Variants in PRRC2B observed in about 807,000 individuals in gnomAD.
PRRC2B encodes protein PRRC2B.
Under a neutral mutation model 242.3 loss-of-function variants are expected in PRRC2B, and 68 were observed. The observed-to-expected ratio is 0.28, with a 90% confidence interval of 0.23 to 0.34. PRRC2B has a LOEUF of 0.34. PRRC2B is among the 10% of genes least tolerant of loss of function. PRRC2B has a pLI of 1.00. For synonymous variants in PRRC2B, 1,228 were observed against 1,173.6 expected (o/e 1.05, Z -0.95); for missense variants, 2,835 against 2,954.8 (o/e 0.96, Z 0.94).
chr9:131,388,792 T>C (rs903861375), intron 1 of PRRC2B, among the ~76,000 whole-genome samples: 1 of 149,518 alleles, frequency 6.7e-6, no homozygotes, highest in Non-Finnish European at 1.5e-5. Flanking sequence ...TCCGCCCTCC[T>C]TGGACTTCCA....
intron 11 of PRRC2B, among the ~76,000 whole-genome samples, chr9:131,463,107 A>G (rs183718549): frequency 1.1e-4 from 17 of 152,278 alleles, no homozygotes; most frequent in Admixed American, 2.6e-4. Flanking sequence ...ACTGATCAAT[A>G]CACAGCCGTT....
chr9:131,374,790 G>C (rs1836662277), intron 1 of PRRC2B, among the ~76,000 whole-genome samples: 1 of 152,072 alleles, frequency 6.6e-6, no homozygotes, highest in Non-Finnish European at 1.5e-5. Flanking sequence ...GCCTTCCAAA[G>C]TGCTGGAATT....
intron 1 of PRRC2B, among the ~76,000 whole-genome samples, chr9:131,404,253 T>A (rs1237109860): frequency 6.6e-6 from 1 of 151,576 alleles, no homozygotes; most frequent in African/African-American, 2.4e-5. Flanking sequence ...GGGACAGAGT[T>A]TTGCTTGTTG....
chr9:131,467,845 T>G (rs1173926349), intron 13 of PRRC2B, 92 bp downstream of exon 13: 2 of 1,332,972 alleles, frequency 1.5e-6, no homozygotes, highest in African/African-American at 2.9e-5. Context: ...CACCTCCAAC[T>G]TAGAAAAAGG....
At chr9:131,412,489 T>TGCAC (rs1159328605) in intron 1 of PRRC2B, among the ~76,000 whole-genome samples, 3 of 152,188 alleles carry the variant, frequency 2.0e-5, no homozygotes, top group Non-Finnish European at 2.9e-5. Flanking sequence ...CGTGCGTGCA[T>TGCAC]GCACACGCTG....
At position 131,447,130 on chromosome 9, in the gene PRRC2B, G is replaced by A; in HGVS notation, c.901G>A (p.Gly301Ser). The A allele has an allele frequency of 6.2e-7, 1 of 1,614,044 alleles. No homozygotes were observed. Among genetic ancestry groups the A allele is most frequent in the Non-Finnish European group, 8.5e-7 (1 of 1,179,904 alleles). Reference sequence around the variant, plus strand: ...AGAAAACCAGGGTACAGTGGAACGAGGCTCTTTTCCCCTTCCTCAGCTCCG... The same window carrying A: ...AGAAAACCAGGGTACAGTGGAACGAAGCTCTTTTCCCCTTCCTCAGCTCCG... ...SSENQGTVER[G>S]SFPLPQLRLE... The change falls in exon 8 of 32, where the codon GGC (glycine) becomes AGC (serine). Residue 301 changes from glycine to serine, a missense_variant. Physicochemically the swap from Gly to Ser is moderately conservative, Grantham distance 56. This residue lies in a region of PRRC2B where 626 missense variants were observed against 685.5 expected (regional missense o/e 0.91). Coordinates refer to ENST00000683519, the MANE Select transcript of PRRC2B (RefSeq NM_013318.4).
chr9:131,379,653 T>G (rs1388964560), intron 1 of PRRC2B, among the ~76,000 whole-genome samples: 1 of 140,162 alleles, frequency 7.1e-6, no homozygotes, highest in Non-Finnish European at 1.5e-5. Flanking sequence ...GGAGATGGAG[T>G]CTCACTCTGT....
At chr9:131,439,258 G>C (rs1838477152) in intron 5 of PRRC2B, among the ~76,000 whole-genome samples, 197 bp downstream of exon 5, 1 of 152,170 alleles carries the variant, frequency 6.6e-6, no homozygotes, top group South Asian at 2.1e-4. Flanking sequence ...GGTTTCTTTG[G>C]ATGTGTGCTC....
chr9:131,492,852 C>T (rs942961850), intron 30 of PRRC2B, among the ~76,000 whole-genome samples: 2 of 152,244 alleles, frequency 1.3e-5, no homozygotes, highest in African/African-American at 4.8e-5. Context: ...TGGTCCACTG[C>T]CTTTTCTGCC....
chr9:131,381,158 T>TG (rs1470839582), intron 1 of PRRC2B, among the ~76,000 whole-genome samples: 2 of 152,124 alleles, frequency 1.3e-5, no homozygotes, highest in Non-Finnish European at 2.9e-5. Context: ...CTTCACTAGT[T>TG]GTTGTGTCTT....
intron 2 of PRRC2B, 97 bp downstream of exon 2, chr9:131,430,356 G>T (rs546836248): frequency 1.5e-6 from 1 of 678,974 alleles, no homozygotes; most frequent in African/African-American, 1.8e-5. Flanking sequence ...GATGTGGTCC[G>T]TGCACACCAG....
chr9:131,413,626 A>G (rs1837563075), intron 1 of PRRC2B, among the ~76,000 whole-genome samples: 1 of 152,184 alleles, frequency 6.6e-6, no homozygotes, highest in African/African-American at 2.4e-5. Flanking sequence ...TTGGCCTCCC[A>G]AAGTGCTGGG....
At position 131,470,813 on chromosome 9, in the gene PRRC2B, G is replaced by GGCAGCCGGTGCAGT. The variant is rs1217828787; in HGVS notation, c.1947_1948insCAGTGCAGCCGGTG (p.Tyr650GlnfsTer31). The stretch of plus-strand genomic sequence containing the variant: ...GAGCAGCTGTACAAGATGCAGCACT[G>GGCAGCCGGTGCAGT]GCAGCCGGTGTACCCCCCGCCGTCC... On this transcript the variant is annotated frameshift_variant, in exon 14 of 32. Coordinates refer to ENST00000683519, the MANE Select transcript of PRRC2B (RefSeq NM_013318.4). LOFTEE classifies it high-confidence loss of function. 1 of 1,612,678 alleles carries GGCAGCCGGTGCAGT rather than the reference G, an allele frequency of 6.2e-7. No individual in the cohort carries two copies. The highest frequency in any genetic ancestry group is 8.5e-7 in the Non-Finnish European group (1 of 1,179,266).
Position 131,432,602 on chromosome 9 carries a change from T to C in PRRC2B, c.116-15T>C, listed in dbSNP as rs1838215054. 1 of 1,612,248 alleles carries C rather than the reference T, an allele frequency of 6.2e-7. No individual in the cohort carries two copies. Among genetic ancestry groups the C allele is most frequent in the Non-Finnish European group, 8.5e-7 (1 of 1,178,926 alleles). ...CTTTTTGCATGGTGTCTGTTCCATG[T>C]CCCTCTCCCTGCAGTTATTCCTAGA... On this transcript the variant is annotated splice_polypyrimidine_tract_variant and intron_variant, in intron 2 of 31. Coordinates refer to ENST00000683519, the MANE Select transcript of PRRC2B (RefSeq NM_013318.4).
At chr9:131,382,867 A>G (rs980927962) in intron 1 of PRRC2B, among the ~76,000 whole-genome samples, 2 of 150,706 alleles carry the variant, frequency 1.3e-5, no homozygotes, top group Non-Finnish European at 3.0e-5. Flanking sequence ...CTGTTCTCGA[A>G]CTCCTGACCT....
chr9:131,468,460 T>G (rs1943454470), intron 13 of PRRC2B, among the ~76,000 whole-genome samples: 1 of 152,210 alleles, frequency 6.6e-6, no homozygotes, highest in African/African-American at 2.4e-5. Context: ...TTATTTTTAT[T>G]TTTTTATAAA....
Position 131,468,011 on chromosome 9 carries a change from T to G in PRRC2B, c.1911+258T>G, listed in dbSNP as rs962805789. Among the ~76,000 whole-genome samples, 7 of 152,336 alleles carry G rather than the reference T, an allele frequency of 4.6e-5. No homozygotes were observed. In the South Asian group the frequency reaches 1.5e-3, roughly 32 times the overall value. On this transcript the variant is annotated intron_variant, in intron 13 of 31. Coordinates refer to ENST00000683519, the MANE Select transcript of PRRC2B (RefSeq NM_013318.4). ...ATACAGTCTTTGTGGTTTATTGAGC[T>G]TGTTTTCTAATATTGTTAAGGAACC...
chr9:131,395,539 C>T (rs1354163748), intron 1 of PRRC2B, among the ~76,000 whole-genome samples: 2 of 152,314 alleles, frequency 1.3e-5, no homozygotes, highest in Non-Finnish European at 2.9e-5. Flanking sequence ...GGCGTGCACC[C>T]TCCACCTGGC....
chr9:131,455,230 G>C (rs1216695192), intron 10 of PRRC2B, 64 bp downstream of exon 10: 1 of 1,179,374 alleles, frequency 8.5e-7, no homozygotes, highest in Non-Finnish European at 1.2e-6. Flanking sequence ...TGTGTACCCA[G>C]AGCATTTCCC....
Sources: gnomAD v4.1 joint callset for allele counts (sites outside exome capture counted in the v4.1 genomes callset) on GRCh38, gnomAD v4.1.1 for gene constraint, gnomAD v4.1.1 regional missense constraint, MANE v1.5 for transcripts, NCBI Gene and HGNC (gene_info 2026-07-23, HGNC 2026-07-21) for gene names.